NTRK2: variants seen among roughly 807,000 people sequenced by gnomAD.
NTRK2 encodes neurotrophic receptor tyrosine kinase 2, also known as BDNF/NT-3 growth factors receptor.
In NTRK2, 13 loss-of-function variants were observed where a neutral mutation model predicts 94.5. That is an observed-to-expected ratio of 0.14 (90% confidence interval 0.09 to 0.22). NTRK2 has a LOEUF of 0.22. NTRK2 is among the 10% of genes least tolerant of loss of function. The probability of loss-of-function intolerance (pLI) is 1.00; values close to 1 mark genes in which losing one functional copy is unlikely to be tolerated. For missense variants in NTRK2, 639 were observed against 1,071.2 expected (o/e 0.60, Z 5.63); for synonymous variants, 372 against 407.4 (o/e 0.91, Z 1.05).
At chr9:84,805,203 C>G (rs2070971966) in intron 12 of NTRK2, among the ~76,000 whole-genome samples, 1 of 152,180 alleles carries the variant, frequency 6.6e-6, no homozygotes, top group South Asian at 2.1e-4. Context: ...GCCAAGTGTG[C>G]TTTCTACTTT....
At chr9:84,990,007 G>T (rs1409512827) in intron 17 of NTRK2, among the ~76,000 whole-genome samples, 3 of 151,964 alleles carry the variant, frequency 2.0e-5, no homozygotes, top group Non-Finnish European at 4.4e-5. Flanking sequence ...GGCATCTTTT[G>T]CTGGGGGTTT....
chr9:84,779,732 G>A (rs570794607), intron 12 of NTRK2, among the ~76,000 whole-genome samples: 10 of 152,156 alleles, frequency 6.6e-5, no homozygotes, highest in African/African-American at 2.4e-4. Context: ...CTCCTCAACT[G>A]TTCAAGATCA....
chr9:84,797,447 A>T (rs1157397445), intron 12 of NTRK2, among the ~76,000 whole-genome samples: 1 of 145,558 alleles, frequency 6.9e-6, no homozygotes, highest in African/African-American at 2.6e-5. Flanking sequence ...GAACACAGTG[A>T]CTGGATCCCT....
At chr9:84,701,713 G>T (rs1200268857) in intron 2 of NTRK2, among the ~76,000 whole-genome samples, 2 of 152,212 alleles carry the variant, frequency 1.3e-5, no homozygotes, top group Non-Finnish European at 2.9e-5. Flanking sequence ...ATTTTAGGAG[G>T]TAAAGGAGGG....
chr9:84,692,355 T>C (rs911502589), intron 2 of NTRK2, among the ~76,000 whole-genome samples: 2 of 152,186 alleles, frequency 1.3e-5, no homozygotes, highest in Non-Finnish European at 2.9e-5. Flanking sequence ...CAGAAGAAGT[T>C]TGCAAAGTTT....
At chr9:84,675,021 T>C (rs1473257946) in intron 2 of NTRK2, among the ~76,000 whole-genome samples, 1 of 152,234 alleles carries the variant, frequency 6.6e-6, no homozygotes, top group Non-Finnish European at 1.5e-5. Flanking sequence ...CAAGCAAGTA[T>C]TGGGAAGTTG....
At chr9:84,783,700 T>C (rs2067839217) in intron 12 of NTRK2, among the ~76,000 whole-genome samples, 1 of 152,106 alleles carries the variant, frequency 6.6e-6, no homozygotes, top group South Asian at 2.1e-4. Flanking sequence ...GTAGAAATTT[T>C]ATGTCCCAAG....
At chr9:84,730,505 C>T (rs4877876) in intron 9 of NTRK2, among the ~76,000 whole-genome samples, 90,434 of 136,426 alleles carry the variant, frequency 0.66, 31,480 homozygotes, top group East Asian at 0.74. Context: ...CTTTGGGAGG[C>T]CGAGGCGGGC....
At chr9:84,697,325 C>G (rs1046446757) in intron 2 of NTRK2, among the ~76,000 whole-genome samples, 2 of 152,124 alleles carry the variant, frequency 1.3e-5, no homozygotes, top group Admixed American at 6.5e-5. Flanking sequence ...CTTGGAAGCC[C>G]CTGGGCCTAA....
chr9:84,907,895 C>T (rs1017686836), intron 14 of NTRK2, among the ~76,000 whole-genome samples: 3 of 152,080 alleles, frequency 2.0e-5, no homozygotes, highest in African/African-American at 7.2e-5. Context: ...TCAGACAATA[C>T]CCTTTGGCTG....
chr9:85,013,518 G>T lies in NTRK2; in HGVS notation c.2173-6688G>T, dbSNP rs546850185. Among the ~76,000 whole-genome samples, 24 of 152,262 alleles carry T rather than the reference G, an allele frequency of 1.6e-4. No homozygotes were observed. In the South Asian group the frequency reaches 4.8e-3, roughly 30 times the overall value. ...GGGTTTCACCATGTTGGTCAGGCTG[G>T]TCTAACTCCTGACCTCGTCATCTGC... On this transcript the variant is annotated intron_variant, in intron 17 of 18. Coordinates refer to ENST00000277120, the MANE Select transcript of NTRK2 (RefSeq NM_006180.6).
At chr9:84,705,084 CTGA>C (rs1479783753) in intron 4 of NTRK2, among the ~76,000 whole-genome samples, 1 of 152,132 alleles carries the variant, frequency 6.6e-6, no homozygotes, top group Non-Finnish European at 1.5e-5. Context: ...CTGGGATATA[CTGA>C]TGATCTCTCT....
intron 12 of NTRK2, chr9:84,812,036 G>T (rs761973511): frequency 5.6e-5 from 59 of 1,059,308 alleles, no homozygotes; most frequent in Non-Finnish European, 6.6e-5. Context: ...AGCTGGATTG[G>T]AAACATTGAT....
At chr9:84,834,226 T>C (rs565989603) in intron 12 of NTRK2, among the ~76,000 whole-genome samples, 1 of 152,312 alleles carries the variant, frequency 6.6e-6, no homozygotes, top group African/African-American at 2.4e-5. Context: ...CAAGAAATGA[T>C]TTTTAGTATA....
At chr9:84,912,439 A>G (rs1167048233) in intron 14 of NTRK2, among the ~76,000 whole-genome samples, 1 of 151,532 alleles carries the variant, frequency 6.6e-6, no homozygotes, top group Non-Finnish European at 1.5e-5. Flanking sequence ...ATTTAGGTTT[A>G]TTATGTCTTT....
chr9:85,004,509 A>G (rs969836787), intron 17 of NTRK2, among the ~76,000 whole-genome samples: 1 of 152,216 alleles, frequency 6.6e-6, no homozygotes, highest in Non-Finnish European at 1.5e-5. Context: ...TAACCAGTTA[A>G]TAGAGTATCC....
chr9:84,762,248 C>G (rs184020523), intron 12 of NTRK2, among the ~76,000 whole-genome samples: 2 of 152,272 alleles, frequency 1.3e-5, no homozygotes, highest in Admixed American at 6.5e-5. Context: ...CTTTGACATT[C>G]CAGCTTGAGA....
intron 12 of NTRK2, among the ~76,000 whole-genome samples, chr9:84,819,332 T>C (rs1738654504): frequency 6.6e-6 from 1 of 152,190 alleles, no homozygotes; most frequent in Non-Finnish European, 1.5e-5. Context: ...TCAAGCCCCT[T>C]GAGTCGGGGT....
chr9:84,890,237 G>C (rs762388333), intron 14 of NTRK2, among the ~76,000 whole-genome samples: 3 of 152,174 alleles, frequency 2.0e-5, no homozygotes, highest in Admixed American at 1.3e-4. Flanking sequence ...AGGACCTCTT[G>C]TTAAGGTCTT....
Sources: allele counts gnomAD v4.1 joint callset (sites outside exome capture counted in the v4.1 genomes callset), GRCh38; gene constraint gnomAD v4.1.1; transcripts MANE v1.5; gene names NCBI Gene and HGNC (gene_info 2026-07-23, HGNC 2026-07-21).